Variants in USP47 observed in about 807,000 individuals in gnomAD.
USP47 encodes the protein ubiquitin carboxyl-terminal hydrolase 47.
A neutral mutation model predicts 165.1 loss-of-function variants in USP47; 35 were observed. The observed-to-expected ratio is 0.21, with a 90% CI of 0.16 to 0.28. USP47 has a LOEUF of 0.28. Ranked by LOEUF, USP47 falls within the 10% of genes least tolerant of loss-of-function variation. USP47 has a pLI of 1.00. For synonymous variants in USP47, 531 were observed against 544.5 expected, an observed-to-expected ratio of 0.98 and a Z score of 0.35; for missense variants, 1,277 against 1,607.4, an observed-to-expected ratio of 0.79 and a Z score of 3.52.
Position 11,947,955 on chromosome 11 carries a change from G to A in USP47, c.3102G>A (p.Val1034=). The A allele has an allele frequency of 2.5e-6, 4 of 1,607,334 alleles. 1 individual carries two copies. The South Asian group carries it at 4.5e-5, about 18-fold the overall frequency. ...TTTTTTTGTGCTTAGGGTTGATGGT[G>A]CATGTTGATAAAAGAATTACTCTGG... ...GSGEGHKWLM[V]HVDKRITLAA... Residue 1034 remains valine, a synonymous_variant, in exon 21 of 28, where the codon GTG becomes GTA. Coordinates refer to ENST00000527733, the MANE Select transcript of USP47 (RefSeq NM_001282659.2).
At chr11:11,932,512 C>T (rs899819925) in intron 14 of USP47, among the ~76,000 whole-genome samples, 2 of 150,190 alleles carry the variant, frequency 1.3e-5, no homozygotes, top group Non-Finnish European at 3.0e-5. Flanking sequence ...TAATAGTAAA[C>T]AAATGGGTAG....
chr11:11,884,682 G>A (rs1050252825), intron 3 of USP47, 102 bp downstream of exon 3: 12 of 761,068 alleles, frequency 1.6e-5, no homozygotes, highest in Admixed American at 6.0e-5. Flanking sequence ...TTTGTAATTT[G>A]TGTAATAAAT....
intron 11 of USP47, among the ~76,000 whole-genome samples, chr11:11,925,547 A>C (rs1422590768): frequency 6.6e-6 from 1 of 151,948 alleles, no homozygotes; most frequent in South Asian, 2.1e-4. Flanking sequence ...TTAGTGAAAC[A>C]ATAAATTGTT....
rs1203404673 is a variant in USP47, at chr11:11,902,750, C to G, written c.629C>G (p.Thr210Arg). The G allele has an allele frequency of 6.3e-7, 1 of 1,590,278 alleles. No homozygotes were observed. The highest frequency in any genetic ancestry group is 8.6e-7 in the Non-Finnish European group (1 of 1,167,672). ...GAAGAATCTGAAGAAGATCCAGTGA[C>G]AAGTATTCCATACCAACTTCAAAGG... is the stretch of plus-strand genomic sequence containing the variant. ...EFEESEEDPV[T>R]SIPYQLQRLF... The change falls in exon 6 of 28, where the codon ACA (threonine) becomes AGA (arginine). Residue 210 changes from threonine to arginine, a missense_variant. Thr to Arg is a moderately conservative substitution (Grantham distance 71). Coordinates refer to ENST00000527733, the MANE Select transcript of USP47 (RefSeq NM_001282659.2).
intron 3 of USP47, among the ~76,000 whole-genome samples, chr11:11,885,065 A>G (rs911695666): frequency 3.9e-5 from 6 of 152,120 alleles, no homozygotes; most frequent in South Asian, 2.1e-4. Flanking sequence ...TTTCACTTCT[A>G]TTCTTTTAAT....
chr11:11,854,114 G>T (rs1209531544), intron 1 of USP47, among the ~76,000 whole-genome samples: 3 of 132,658 alleles, frequency 2.3e-5, no homozygotes, highest in Non-Finnish European at 4.9e-5. Flanking sequence ...CAGCTAGGGG[G>T]ACAGGGCGAG....
At chr11:11,942,304 A>G in intron 19 of USP47, 31 bp from the exon 20 acceptor site, 1 of 1,532,230 alleles carries the variant, frequency 6.5e-7, no homozygotes. Flanking sequence ...ACTAAAATTA[A>G]TATATAATAA....
At chr11:11,854,936 A>G (rs1422591057) in intron 1 of USP47, among the ~76,000 whole-genome samples, 2 of 145,178 alleles carry the variant, frequency 1.4e-5, no homozygotes, top group African/African-American at 4.9e-5. Context: ...TACCAAAAAT[A>G]CAAAAAAAAT....
chr11:11,913,276 A>T (rs1431521987), intron 8 of USP47, among the ~76,000 whole-genome samples: 1 of 149,310 alleles, frequency 6.7e-6, no homozygotes, highest in Non-Finnish European at 1.5e-5. Flanking sequence ...AAAAAAAAAA[A>T]ACAACACCTG....
chr11:11,881,352 A>G (rs1590291026), intron 2 of USP47, among the ~76,000 whole-genome samples: 1 of 152,130 alleles, frequency 6.6e-6, no homozygotes, highest in South Asian at 2.1e-4. Flanking sequence ...CTGACAGGAA[A>G]TAAGCACTGC....
chr11:11,893,521 C>T (rs1411993785), intron 4 of USP47, among the ~76,000 whole-genome samples: 2 of 152,150 alleles, frequency 1.3e-5, no homozygotes, highest in African/African-American at 2.4e-5. Context: ...ACTGCAGCCT[C>T]GAACTCCTAG....
rs562945945 is a variant in USP47 at position 11,916,105 on chromosome 11, G to T, written c.970-4051G>T. The stretch of plus-strand genomic sequence containing the variant: ...TATTGTTTTTGATTGGAGAACTAAG[G>T]ATGTAAGAATTCTTTATATTCTATC... On this transcript the variant is annotated intron_variant, in intron 8 of 27. Coordinates refer to ENST00000527733, the MANE Select transcript of USP47 (RefSeq NM_001282659.2). 7.9e-5 allele frequency among the ~76,000 whole-genome samples: 12 copies of T among 152,258 alleles called. 1 individual carries two copies. In the South Asian group the frequency reaches 2.3e-3, roughly 29 times the overall value.
At chr11:11,911,829 T>C (rs927718100) in intron 8 of USP47, among the ~76,000 whole-genome samples, 4 of 152,032 alleles carry the variant, frequency 2.6e-5, no homozygotes, top group South Asian at 4.1e-4. Context: ...CCATTAAATA[T>C]ATACGAGGAT....
chr11:11,919,306 T>G (rs996806822), intron 8 of USP47, among the ~76,000 whole-genome samples: 2 of 151,942 alleles, frequency 1.3e-5, no homozygotes, highest in Non-Finnish European at 2.9e-5. Context: ...TCCATTTCTT[T>G]TAGTTTATGT....
At chr11:11,948,177 A>G in intron 21 of USP47, 57 bp downstream of exon 21, 2 of 1,533,152 alleles carry the variant, frequency 1.3e-6, no homozygotes, top group Non-Finnish European at 8.8e-7. Context: ...AGATTTGAGA[A>G]CAGCTTTTAC....
At chr11:11,915,095 G>C (rs1317385430) in intron 8 of USP47, among the ~76,000 whole-genome samples, 2 of 152,140 alleles carry the variant, frequency 1.3e-5, no homozygotes, top group African/African-American at 4.8e-5. Flanking sequence ...GCTTCAGTAA[G>C]TGAATGGTTT....
At chr11:11,923,090 A>G (rs1452557031) in intron 11 of USP47, among the ~76,000 whole-genome samples, 199 bp downstream of exon 11, 2 of 138,316 alleles carry the variant, frequency 1.4e-5, no homozygotes, top group African/African-American at 5.3e-5. Flanking sequence ...ATATATGACT[A>G]TAATTAAACT....
intron 1 of USP47, among the ~76,000 whole-genome samples, chr11:11,844,926 G>C (rs1420916398): frequency 6.6e-6 from 1 of 152,108 alleles, no homozygotes; most frequent in Non-Finnish European, 1.5e-5. Context: ...TACAGGCATT[G>C]GCAAACCACG....
rs561556204 is a variant in USP47, at chr11:11,958,797, G to A, written c.*2622G>A. ...CGTGTGTAGCTGATCTGTACGGGAC[G>A]TGTATGTAAGGAAGAGCAATCATGA... On this transcript the variant is annotated 3_prime_UTR_variant, in exon 28 of 28. Coordinates refer to ENST00000527733, the MANE Select transcript of USP47 (RefSeq NM_001282659.2). 3 of 152,336 alleles carry A rather than the reference G, an allele frequency of 2.0e-5. No individual in the cohort carries two copies. The highest frequency in any genetic ancestry group is 6.5e-5 in the Admixed American group (1 of 15,302). 9.4% of individuals were successfully genotyped at this position (152,336 alleles called of 1,614,324 possible). A position where few individuals can be genotyped will look rare whatever the true frequency, so the allele number is the denominator to read the frequency against.
Sources: gnomAD v4.1 joint callset for allele counts (sites outside exome capture counted in the v4.1 genomes callset) on GRCh38, gnomAD v4.1.1 for gene constraint, MANE v1.5 for transcripts, NCBI Gene and HGNC (gene_info 2026-07-23, HGNC 2026-07-21) for gene names.